MGRN1: variants seen among roughly 807,000 people sequenced by gnomAD.
The protein encoded by MGRN1 is mahogunin ring finger 1.
Under a neutral mutation model 69.2 loss-of-function variants are expected in MGRN1, and 29 were observed. The ratio of observed to expected loss-of-function variants is 0.42; its 90% CI spans 0.31 to 0.57. The LOEUF is 0.57. Among genes scored for constraint, MGRN1 ranks in the 20% least tolerant of loss-of-function variants. The pLI is 0.15. For synonymous variants in MGRN1, 470 were observed against 344.2 expected, an observed-to-expected ratio of 1.37 and a Z score of -4.04; for missense variants, 998 against 796.2, an observed-to-expected ratio of 1.25 and a Z score of -3.05.
intron 4 of MGRN1, among the ~76,000 whole-genome samples, chr16:4,655,502 C>T (rs2078515738): frequency 6.6e-6 from 1 of 152,008 alleles, no homozygotes; most frequent in Non-Finnish European, 1.5e-5. Flanking sequence ...CCCCCTCTGT[C>T]AGGACCTGGT....
chr16:4,671,981 C>G (rs546131627), intron 9 of MGRN1, among the ~76,000 whole-genome samples: 1 of 152,230 alleles, frequency 6.6e-6, no homozygotes, highest in Non-Finnish European at 1.5e-5. Flanking sequence ...TCTTGGCTCA[C>G]TGTGGCCTCC....
chr16:4,635,958 T>A (rs1567171983), intron 1 of MGRN1, among the ~76,000 whole-genome samples: 1 of 144,348 alleles, frequency 6.9e-6, no homozygotes, highest in South Asian at 2.2e-4. Flanking sequence ...AGCTAACTTT[T>A]GTATTTTCTG....
In MGRN1 at chr16:4,627,650, G is replaced by A. The variant is rs191342270; in HGVS notation, c.88+2602G>A. On this transcript the variant is annotated intron_variant, in intron 1 of 16. Coordinates refer to ENST00000262370, the MANE Select transcript of MGRN1 (RefSeq NM_015246.4). ...AAAATACAAAAAAATTTAGCCGGGC[G>A]TGATGGCAGGCGTCTATAGTCCCAG... Among the ~76,000 whole-genome samples the A allele has an allele frequency of 1.6e-4, 24 of 151,762 alleles. No individual in the cohort carries two copies. The East Asian group carries it at 2.5e-3, about 16-fold the overall frequency.
intron 16 of MGRN1, among the ~76,000 whole-genome samples, chr16:4,686,072 C>T (rs925599017): frequency 9.9e-5 from 15 of 151,350 alleles, no homozygotes; most frequent in Non-Finnish European, 1.6e-4. Flanking sequence ...CGCTCCTCCG[C>T]GTTGAATTCT....
At chr16:4,673,739 C>A in intron 10 of MGRN1, 82 bp downstream of exon 10, 1 of 1,513,346 alleles carries the variant, frequency 6.6e-7, no homozygotes, top group Non-Finnish European at 9.0e-7. Flanking sequence ...GGATAGGGGG[C>A]CACAGGTCCG....
At position 4,681,711 on chromosome 16, in the gene MGRN1, G is replaced by T; in HGVS notation, c.1293G>T (p.Ala431=). The change falls in exon 13 of 17, where the codon GCG becomes GCT. Residue 431 remains alanine (A), a synonymous_variant. Transcript: ENST00000262370. ...TGTCCCAGGCCAGCTGTCCCCTCGCGGCTATCGACCACATCCTGGACAGCA... is the reference window on the plus strand; with the variant it reads ...TGTCCCAGGCCAGCTGTCCCCTCGCTGCTATCGACCACATCCTGGACAGCA... ...DGLSQASCPL[A]AIDHILDSSR... 6.2e-7 allele frequency: 1 copy of T among 1,613,264 alleles called. No individual in the cohort carries two copies. Among genetic ancestry groups the T allele is most frequent in the Non-Finnish European group, 8.5e-7 (1 of 1,179,954 alleles).
chr16:4,650,300 A>G, intron 1 of MGRN1, 65 bp from the exon 2 acceptor site: 1 of 1,336,060 alleles, frequency 7.5e-7, no homozygotes, highest in Non-Finnish European at 1.0e-6. Context: ...ACTGCACTCT[A>G]GCCTGAGACT....
chr16:4,661,700 C>G (rs2078685404), intron 5 of MGRN1, among the ~76,000 whole-genome samples: 1 of 152,362 alleles, frequency 6.6e-6, no homozygotes, highest in Non-Finnish European at 1.5e-5. Context: ...CCCCCAGCAT[C>G]AGTGTCTCTG....
At position 4,624,891 on chromosome 16, in the gene MGRN1, C is replaced by T. The variant is rs1567158427; in HGVS notation, c.-70C>T. ...TGCGGCCTGGTCCGGGCCATGTCCGCGTGAGGACCCCGCCGCTGTCGCCGC... is the reference window on the plus strand; with the variant it reads ...TGCGGCCTGGTCCGGGCCATGTCCGTGTGAGGACCCCGCCGCTGTCGCCGC... On this transcript the variant is annotated 5_prime_UTR_variant, in exon 1 of 17. Coordinates refer to ENST00000262370, the MANE Select transcript of MGRN1 (RefSeq NM_015246.4). 3.7e-6 allele frequency: 5 copies of T among 1,361,888 alleles called. No individual in the cohort carries two copies. The highest frequency in any genetic ancestry group is 1.4e-5 in the South Asian group (1 of 73,698). 84.4% of individuals were successfully genotyped at this position (1,361,888 alleles called of 1,614,324 possible).
chr16:4,641,895 C>A (rs2078167643), intron 1 of MGRN1, among the ~76,000 whole-genome samples: 1 of 152,130 alleles, frequency 6.6e-6, no homozygotes. Context: ...TTCAAGCCAT[C>A]TTGCCCACCT....
At chr16:4,674,620 T>C (rs1250191952) in intron 10 of MGRN1, among the ~76,000 whole-genome samples, 3 of 124,094 alleles carry the variant, frequency 2.4e-5, no homozygotes, top group Non-Finnish European at 5.1e-5. Context: ...TCTTTTCTTT[T>C]CTTTTCTTTT....
intron 1 of MGRN1, among the ~76,000 whole-genome samples, chr16:4,633,049 C>CTCCA (rs1898089478): frequency 2.0e-5 from 3 of 152,158 alleles, no homozygotes; most frequent in Non-Finnish European, 2.9e-5. Flanking sequence ...CCCCACTGTA[C>CTCCA]TCCAGCCTGG....
At position 4,652,750 on chromosome 16, in the gene MGRN1, C is replaced by G. The variant is rs766851385; in HGVS notation, c.369C>G (p.Thr123=). The G allele has an allele frequency of 1.5e-5, 25 of 1,613,124 alleles. No individual in the cohort carries two copies. Among genetic ancestry groups the G allele is most frequent in the Non-Finnish European group, 2.0e-5 (24 of 1,179,608 alleles). The change falls in exon 4 of 17, where the codon ACC becomes ACG. Residue 123 remains threonine (T), a synonymous_variant. Transcript: ENST00000262370. The part of the protein sequence containing the change: ...KPRVLYSLEF[T]FDADARVAIT... ...GGGTGCTCTACAGCCTGGAGTTCAC[C>G]TTCGACGCCGATGCCCGCGTGGCCA...
chr16:4,646,541 A>T (rs2078278165), intron 1 of MGRN1, among the ~76,000 whole-genome samples: 1 of 152,088 alleles, frequency 6.6e-6, no homozygotes, highest in African/African-American at 2.4e-5. Flanking sequence ...GGGAGGCCTC[A>T]GGTCCTCCCC....
chr16:4,634,007 G>A (rs907195765), intron 1 of MGRN1: 4 of 152,224 alleles, frequency 2.6e-5, no homozygotes, highest in African/African-American at 7.2e-5. Flanking sequence ...TGCATTTGAA[G>A]GTAAAAGCAA....
Position 4,674,781 on chromosome 16 carries a change from CA to C in MGRN1, c.955+1125del, listed in dbSNP as rs1220043145. Among the ~76,000 whole-genome samples, 3 of 150,008 alleles carry C rather than the reference CA, an allele frequency of 2.0e-5. No homozygotes were observed. In the East Asian group the frequency reaches 5.8e-4, roughly 29 times the overall value. On this transcript the variant is annotated intron_variant, in intron 10 of 16. Coordinates refer to ENST00000262370, the MANE Select transcript of MGRN1 (RefSeq NM_015246.4). ...TCAGCCTCCCGAGTAGCTGGGATTA[CA>C]GGCGCCCGCCACCGCGCCCGGCTAA...
chr16:4,655,578 C>G (rs912040192), intron 4 of MGRN1, among the ~76,000 whole-genome samples: 1 of 152,066 alleles, frequency 6.6e-6, no homozygotes, highest in Non-Finnish European at 1.5e-5. Flanking sequence ...CACTGTCCCC[C>G]TCTCTCAGGA....
chr16:4,635,569 G>A (rs185525947), intron 1 of MGRN1, among the ~76,000 whole-genome samples: 4 of 151,452 alleles, frequency 2.6e-5, no homozygotes, highest in South Asian at 2.1e-4. Context: ...TCCTGGGTTC[G>A]AGCAATCCTC....
intron 16 of MGRN1, chr16:4,686,929 C>G: frequency 3.0e-6 from 3 of 985,508 alleles, no homozygotes; most frequent in Non-Finnish European, 3.6e-6. Flanking sequence ...TGGAGGGAGT[C>G]CGTCCTCGAG....
Sources: gnomAD v4.1 joint callset for allele counts (sites outside exome capture counted in the v4.1 genomes callset) on GRCh38, gnomAD v4.1.1 for gene constraint, MANE v1.5 for transcripts, NCBI Gene and HGNC (gene_info 2026-07-23, HGNC 2026-07-21) for gene names.